Variants in MARCHF8 observed in about 807,000 individuals in gnomAD.
The protein encoded by MARCHF8 is E3 ubiquitin-protein ligase MARCHF8.
In MARCHF8, 40 loss-of-function variants were observed where a neutral mutation model predicts 51.6. The observed-to-expected ratio is 0.77, with a 90% CI of 0.60 to 1.01. MARCHF8 has a LOEUF of 1.01. MARCHF8 is among the 50% of genes least tolerant of loss of function. The pLI is 0.00. For missense variants in MARCHF8, 685 were observed against 708.6 expected (o/e 0.97, Z 0.38); for synonymous variants, 263 against 280.3 (o/e 0.94, Z 0.62).
At chr10:45,543,913 A>G (rs34309840) in intron 1 of MARCHF8, among the ~76,000 whole-genome samples, 9,331 of 152,046 alleles carry the variant, frequency 0.061, 323 homozygotes, top group Non-Finnish European at 0.066. Flanking sequence ...CATCAAAGAA[A>G]ATATATGAGA....
chr10:45,573,493 C>T (rs896201017), intron 1 of MARCHF8, among the ~76,000 whole-genome samples: 1 of 152,172 alleles, frequency 6.6e-6, no homozygotes, highest in Non-Finnish European at 1.5e-5. Flanking sequence ...CTTCAGGTGC[C>T]GGAAATCTGG....
chr10:45,455,270 T>C lies in MARCHF8; in HGVS notation c.*2969A>G, dbSNP rs973341626. 1 of 152,224 alleles carries C rather than the reference T, an allele frequency of 6.6e-6. No homozygotes were observed. The highest frequency in any genetic ancestry group is 2.4e-5 in the African/African-American group (1 of 41,450). 9.4% of individuals were successfully genotyped at this position (152,224 alleles called of 1,614,324 possible). ...GGGGAGAAACATTAGAGGCCTACAG[T>C]AGGAAGAGACCTTTTATAGAGTTTT... On this transcript the variant is annotated 3_prime_UTR_variant, in exon 8 of 8. Coordinates refer to ENST00000453424, the MANE Select transcript of MARCHF8 (RefSeq NM_001282866.2).
At chr10:45,560,511 T>C (rs980634363) in intron 1 of MARCHF8, among the ~76,000 whole-genome samples, 3 of 152,194 alleles carry the variant, frequency 2.0e-5, no homozygotes, top group South Asian at 2.1e-4. Flanking sequence ...CTCAAAGCCA[T>C]TGTCATTAAA....
intron 3 of MARCHF8, among the ~76,000 whole-genome samples, 170 bp from the exon 4 acceptor site, chr10:45,464,497 A>G (rs1842905072): frequency 6.6e-6 from 1 of 152,248 alleles, no homozygotes; most frequent in Non-Finnish European, 1.5e-5. Context: ...ATCAAATATC[A>G]CTATTTTTTT....
chr10:45,509,985 G>A (rs1443596256), intron 2 of MARCHF8, among the ~76,000 whole-genome samples: 5 of 146,430 alleles, frequency 3.4e-5, no homozygotes, highest in Non-Finnish European at 7.6e-5. Flanking sequence ...CCTGTAATCT[G>A]GGGAAAGAAG....
At chr10:45,525,976 A>G (rs1212331273) in intron 2 of MARCHF8, among the ~76,000 whole-genome samples, 1 of 152,246 alleles carries the variant, frequency 6.6e-6, no homozygotes, top group Non-Finnish European at 1.5e-5. Context: ...CTGGAACACA[A>G]AAAGGACATT....
chr10:45,536,551 C>T (rs1234806258), upstream of MARCHF8, among the ~76,000 whole-genome samples: 1 of 151,440 alleles, frequency 6.6e-6, no homozygotes, highest in African/African-American at 2.4e-5. Flanking sequence ...CAAGAAAGGC[C>T]TGGGCAATAT....
intron 2 of MARCHF8, among the ~76,000 whole-genome samples, chr10:45,504,716 T>C (rs1274036347): frequency 6.6e-6 from 1 of 152,214 alleles, no homozygotes; most frequent in Non-Finnish European, 1.5e-5. Context: ...TCTTTCTAGA[T>C]GGTGTTTCCT....
At chr10:45,536,832 C>A (rs144568617), upstream of MARCHF8, among the ~76,000 whole-genome samples, 555 of 93,626 alleles carry the variant, frequency 5.9e-3, 10 homozygotes, top group East Asian at 0.073. Flanking sequence ...CCCATCTCTA[C>A]CAAAATAATA....
In MARCHF8 at chr10:45,478,584, C is replaced by T. The variant is rs539458979; in HGVS notation, c.153+10783G>A. Among the ~76,000 whole-genome samples, 205 of 140,956 alleles carry T rather than the reference C, an allele frequency of 1.5e-3. 1 individual carries two copies. Among genetic ancestry groups the T allele is most frequent in the African/African-American group, 4.8e-3 (187 of 38,660 alleles). 92.5% of individuals were successfully genotyped at this position (140,956 alleles called of 152,430 possible). A position where few individuals can be genotyped will look rare whatever the true frequency, so the allele number is the denominator to read the frequency against. ...AATAGGAGCTAAAAAAAAAAAAGAT[C>T]AATGAAACAAAAAATTAATTTTTTG... On this transcript the variant is annotated intron_variant, in intron 3 of 7. Coordinates refer to ENST00000453424, the MANE Select transcript of MARCHF8 (RefSeq NM_001282866.2).
chr10:45,557,209 C>G (rs2044262004), intron 1 of MARCHF8, among the ~76,000 whole-genome samples: 1 of 145,288 alleles, frequency 6.9e-6, no homozygotes. Flanking sequence ...CTCACTGCAA[C>G]CTCCGCCTCC....
At chr10:45,571,661 G>A (rs1210173396) in intron 1 of MARCHF8, among the ~76,000 whole-genome samples, 3 of 152,196 alleles carry the variant, frequency 2.0e-5, no homozygotes, top group Non-Finnish European at 2.9e-5. Flanking sequence ...GTCCACCTAC[G>A]ACCTCTGGTC....
chr10:45,503,199 C>G (rs1349932710), intron 2 of MARCHF8, among the ~76,000 whole-genome samples: 1 of 152,144 alleles, frequency 6.6e-6, no homozygotes, highest in Non-Finnish European at 1.5e-5. Flanking sequence ...TACATAAACA[C>G]TGCAATTACA....
intron 2 of MARCHF8, among the ~76,000 whole-genome samples, chr10:45,507,874 G>A (rs2043417276): frequency 6.6e-6 from 1 of 150,962 alleles, no homozygotes; most frequent in African/African-American, 2.4e-5. Context: ...ATATTACACT[G>A]ATACAATACT....
intron 2 of MARCHF8, among the ~76,000 whole-genome samples, chr10:45,509,962 C>A (rs1196262060): frequency 3.3e-5 from 5 of 151,144 alleles, no homozygotes; most frequent in African/African-American, 1.2e-4. Flanking sequence ...TTGCTGTGCC[C>A]AGCTGAACAA....
At chr10:45,547,312 A>C (rs893990498) in intron 1 of MARCHF8, among the ~76,000 whole-genome samples, 1 of 152,200 alleles carries the variant, frequency 6.6e-6, no homozygotes, top group African/African-American at 2.4e-5. Flanking sequence ...TAAATCTCAC[A>C]GCAGTGCCAG....
intron 3 of MARCHF8, among the ~76,000 whole-genome samples, chr10:45,469,395 A>G (rs1044030605): frequency 6.6e-6 from 1 of 152,192 alleles, no homozygotes; most frequent in African/African-American, 2.4e-5. Context: ...AACTGCAACA[A>G]CTTTCCGACT....
At chr10:45,570,894 C>T (rs978139045) in intron 1 of MARCHF8, among the ~76,000 whole-genome samples, 2 of 152,084 alleles carry the variant, frequency 1.3e-5, no homozygotes, top group African/African-American at 4.8e-5. Flanking sequence ...ATGGAAGCCC[C>T]ATATACTGAA....
chr10:45,459,928 G>A, intron 6 of MARCHF8: 1 of 978,884 alleles, frequency 1.0e-6, no homozygotes, highest in Non-Finnish European at 1.2e-6. Context: ...AAAGAACAAT[G>A]TGTAAACACT....
Sources: gnomAD v4.1 joint callset for allele counts (sites outside exome capture counted in the v4.1 genomes callset) on GRCh38, gnomAD v4.1.1 for gene constraint, MANE v1.5 for transcripts, NCBI Gene and HGNC (gene_info 2026-07-23, HGNC 2026-07-21) for gene names.